The following ANO1 variants were observed in gnomAD, a reference collection of about 807,000 sequenced individuals.
The protein encoded by ANO1 is anoctamin 1.
In ANO1, 59 loss-of-function variants were observed where a neutral mutation model predicts 124.0. That is an observed-to-expected ratio of 0.48 (90% CI 0.39 to 0.59). The LOEUF (loss-of-function observed/expected upper bound fraction) is 0.59, where lower values mean the gene tolerates loss of function less well. ANO1 is among the 20% of genes least tolerant of loss of function. The probability of loss-of-function intolerance (pLI) is 0.00; values close to 1 mark genes in which losing one functional copy is unlikely to be tolerated. For missense variants in ANO1, 1,059 were observed against 1,328.0 expected, an observed-to-expected ratio of 0.80 and a Z score of 3.15; for synonymous variants, 529 against 532.0, an observed-to-expected ratio of 0.99 and a Z score of 0.08.
chr11:70,098,210 G>A (rs118064557), intron 2 of ANO1, among the ~76,000 whole-genome samples: 8 of 152,194 alleles, frequency 5.3e-5, no homozygotes, highest in African/African-American at 1.9e-4. Context: ...AGGGCTGGGT[G>A]TTCTCCTCCT....
chr11:70,127,981 C>T (rs537291700), intron 10 of ANO1, among the ~76,000 whole-genome samples: 1 of 152,228 alleles, frequency 6.6e-6, no homozygotes, highest in Admixed American at 6.5e-5. Flanking sequence ...TTTCGAACCA[C>T]TCCTGCCAAG....
chr11:70,117,223 A>C (rs1291671204), intron 8 of ANO1, among the ~76,000 whole-genome samples: 1 of 147,190 alleles, frequency 6.8e-6, no homozygotes, highest in Non-Finnish European at 1.5e-5. Context: ...GGTGCCTGCC[A>C]GCAGGCCCAG....
At chr11:70,109,853 G>A (rs1356683665) in intron 6 of ANO1, among the ~76,000 whole-genome samples, 1 of 152,172 alleles carries the variant, frequency 6.6e-6, no homozygotes, top group Non-Finnish European at 1.5e-5. Flanking sequence ...TTGTGGCGGG[G>A]CTGGTTCCCT....
chr11:70,133,706 C>T (rs969685897), intron 11 of ANO1, among the ~76,000 whole-genome samples: 2 of 152,226 alleles, frequency 1.3e-5, no homozygotes, highest in African/African-American at 2.4e-5. Flanking sequence ...CCCATGAAGC[C>T]GAGGAAGCCG....
chr11:70,188,226 T>C lies in ANO1; in HGVS notation c.*222T>C. 1.7e-6 allele frequency: 1 copy of C among 601,318 alleles called. No individual in the cohort carries two copies. The highest frequency in any genetic ancestry group is 2.9e-6 in the Non-Finnish European group (1 of 348,926). The allele number at this position is 601,318 out of a possible 1,614,324, so 37.2% of individuals were successfully genotyped here. ...GCAGGGAATATTTTTTAATCTGTAG[T>C]ATTCAAGATGAATCAAAATGATGGC... On this transcript the variant is annotated 3_prime_UTR_variant, in exon 26 of 26. Coordinates refer to ENST00000355303, the MANE Select transcript of ANO1 (RefSeq NM_018043.7).
In ANO1 at chr11:70,117,096, C is replaced by CTTTTTTTT. The variant is rs1479602475; in HGVS notation, c.897+600_897+601insTTTTTTTT. On this transcript the variant is annotated intron_variant, in intron 8 of 25. Transcript: ENST00000355303. ...CCCCTTTATTCTTTTTTCTTTGTTTCTTTCTTTTTTTTTTTTTTTTTTTTT... is the reference window on the plus strand; with the variant it reads ...CCCCTTTATTCTTTTTTCTTTGTTTCTTTTTTTTTTTCTTTTTTTTTTTTTTTTTTTTT... 9.2e-5 allele frequency among the ~76,000 whole-genome samples: 7 copies of CTTTTTTTT among 75,962 alleles called. 1 individual carries two copies. The highest frequency in any genetic ancestry group is 9.6e-5 in the African/African-American group (2 of 20,930). 49.8% of individuals were successfully genotyped at this position (75,962 alleles called of 152,430 possible). A position where few individuals can be genotyped will look rare whatever the true frequency, so the allele number is the denominator to read the frequency against.
At chr11:70,031,324 C>G (rs1333497170) in intron 1 of ANO1, among the ~76,000 whole-genome samples, 1 of 152,216 alleles carries the variant, frequency 6.6e-6, no homozygotes, top group Non-Finnish European at 1.5e-5. Flanking sequence ...CCTCATCCTC[C>G]TTTCATTGTT....
chr11:70,177,760 C>G (rs1291394464), intron 22 of ANO1, among the ~76,000 whole-genome samples: 1 of 151,912 alleles, frequency 6.6e-6, no homozygotes, highest in Non-Finnish European at 1.5e-5. Context: ...CCACCACACT[C>G]GGCTAATTTT....
intron 10 of ANO1, among the ~76,000 whole-genome samples, chr11:70,130,776 C>G (rs1258974447): frequency 6.6e-6 from 1 of 152,208 alleles, no homozygotes; most frequent in Non-Finnish European, 1.5e-5. Context: ...GGCAGGCCCC[C>G]CCGGCTTCCC....
intron 1 of ANO1, among the ~76,000 whole-genome samples, chr11:70,006,617 C>CTTTCTTTCTTCTTTCT (rs1294298546): frequency 6.9e-6 from 1 of 144,342 alleles, no homozygotes; most frequent in African/African-American, 2.6e-5. Context: ...CTTTCTCTTT[C>CTTTCTTTCTTCTTTCT]TTTCTTTCTT....
chr11:70,047,207 T>C (rs888769792), intron 1 of ANO1, among the ~76,000 whole-genome samples: 2 of 152,060 alleles, frequency 1.3e-5, no homozygotes, highest in African/African-American at 4.8e-5. Flanking sequence ...TTAATAATAA[T>C]ATATCAGGAT....
chr11:70,068,511 C>T (rs968646630), intron 1 of ANO1, among the ~76,000 whole-genome samples: 9 of 152,016 alleles, frequency 5.9e-5, no homozygotes, highest in East Asian at 1.9e-4. Flanking sequence ...ATAACAGATG[C>T]GGGGAAGCAG....
chr11:69,994,073 A>G (rs1482100806), intron 1 of ANO1, among the ~76,000 whole-genome samples: 1 of 144,934 alleles, frequency 6.9e-6, no homozygotes, highest in Non-Finnish European at 1.5e-5. Flanking sequence ...GTTTTTGCCA[A>G]TTTGATTTTA....
rs1489521496 is a variant in ANO1 at position 70,088,073 on chromosome 11, C to T, written c.430C>T (p.Arg144Trp). ...NLLEAGLELE[R>W]DEDTKIHGVG... is the part of the protein sequence containing the mutation. ...CCTGGAGGCGGGCCTGGAGCTGGAG[C>T]GGGACGAGGACGTAACTATCTCACT... The change falls in exon 2 of 26, where the codon CGG (arginine) becomes TGG (tryptophan). Residue 144 changes from arginine (R) to tryptophan (W), a missense_variant. By Grantham distance (101) the Arg-to-Trp change is moderately radical. Around this residue, in one of 2 missense-constraint regions of ANO1, gnomAD observed 250 missense variants for 233.1 expected, o/e 1.07. Coordinates refer to ENST00000355303, the MANE Select transcript of ANO1 (RefSeq NM_018043.7). The T allele has an allele frequency of 6.6e-6, 9 of 1,358,102 alleles. No homozygotes were observed. Among genetic ancestry groups the T allele is most frequent in the Admixed American group, 4.2e-5 (1 of 23,750 alleles). 84.1% of individuals were successfully genotyped at this position (1,358,102 alleles called of 1,614,324 possible). A position where few individuals can be genotyped will look rare whatever the true frequency, so the allele number is the denominator to read the frequency against.
At chr11:70,125,659 A>G (rs1204156184) in intron 9 of ANO1, among the ~76,000 whole-genome samples, 1 of 151,412 alleles carries the variant, frequency 6.6e-6, no homozygotes, top group Non-Finnish European at 1.5e-5. Context: ...CCTGGCTAAC[A>G]CGGCGAAACT....
intron 2 of ANO1, among the ~76,000 whole-genome samples, chr11:70,091,523 G>T (rs2044624443): frequency 1.3e-5 from 2 of 152,184 alleles, no homozygotes; most frequent in Non-Finnish European, 2.9e-5. Flanking sequence ...TACGTGGGGG[G>T]CAAAACCACC....
intron 1 of ANO1, among the ~76,000 whole-genome samples, chr11:70,019,340 A>G (rs11236776): frequency 6.6e-6 from 1 of 150,728 alleles, no homozygotes; most frequent in Non-Finnish European, 1.5e-5. Flanking sequence ...ACGCACACAC[A>G]CATGCACACA....
At chr11:69,987,247 C>T (rs1554996968) in intron 1 of ANO1, among the ~76,000 whole-genome samples, 1 of 152,216 alleles carries the variant, frequency 6.6e-6, no homozygotes, top group African/African-American at 2.4e-5. Flanking sequence ...CCAGGCTGTC[C>T]TGCCTTCCTG....
At chr11:70,091,522 G>A (rs2044624329) in intron 2 of ANO1, among the ~76,000 whole-genome samples, 1 of 152,198 alleles carries the variant, frequency 6.6e-6, no homozygotes, top group Non-Finnish European at 1.5e-5. Context: ...GTACGTGGGG[G>A]GCAAAACCAC....
Sources: allele counts gnomAD v4.1 joint callset (sites outside exome capture counted in the v4.1 genomes callset), GRCh38; gene constraint gnomAD v4.1.1; regional missense constraint gnomAD v4.1.1; transcripts MANE v1.5; gene names NCBI Gene and HGNC (gene_info 2026-07-23, HGNC 2026-07-21).